SESN3: variants seen among roughly 807,000 people sequenced by gnomAD.
SESN3 encodes sestrin-3.
A neutral mutation model predicts 55.3 loss-of-function variants in SESN3; 21 were observed. The ratio of observed to expected loss-of-function variants is 0.38; its 90% CI spans 0.27 to 0.55. The LOEUF (loss-of-function observed/expected upper bound fraction) is 0.55. Among genes scored for constraint, SESN3 ranks in the 20% least tolerant of loss-of-function variants. SESN3 has a pLI of 0.76. For synonymous variants in SESN3, 181 were observed against 203.1 expected, an observed-to-expected ratio of 0.89 and a Z score of 0.93; for missense variants, 408 against 604.3, an observed-to-expected ratio of 0.68 and a Z score of 3.41.
chr11:95,217,909 G>A (rs1290611727), intron 1 of SESN3, among the ~76,000 whole-genome samples: 1 of 152,166 alleles, frequency 6.6e-6, no homozygotes, highest in Non-Finnish European at 1.5e-5. Flanking sequence ...TATTCTGAAT[G>A]ACTTGATTTT....
intron 6 of SESN3, 99 bp from the exon 7 acceptor site, chr11:95,178,927 G>T (rs1860010096): frequency 4.6e-6 from 3 of 649,524 alleles, no homozygotes; most frequent in Admixed American, 4.6e-5. Context: ...CTTTTCCATG[G>T]ATTTCTAAAG....
chr11:95,218,763 G>A (rs1430334342), intron 1 of SESN3, among the ~76,000 whole-genome samples: 3 of 149,718 alleles, frequency 2.0e-5, no homozygotes, highest in African/African-American at 7.4e-5. Flanking sequence ...GCATTCTCCT[G>A]ACTCGGCCTC....
chr11:95,211,887 AG>A (rs1860662115), intron 1 of SESN3, among the ~76,000 whole-genome samples: 1 of 152,222 alleles, frequency 6.6e-6, no homozygotes. Context: ...TTTACAGAAT[AG>A]GCTGGGTTTA....
intron 1 of SESN3, among the ~76,000 whole-genome samples, chr11:95,228,221 A>C (rs1201408783): frequency 6.6e-6 from 1 of 152,234 alleles, no homozygotes; most frequent in African/African-American, 2.4e-5. Flanking sequence ...GGTGAATTCC[A>C]TTCCTTGTGA....
chr11:95,206,590 T>C (rs1860553058), intron 1 of SESN3, among the ~76,000 whole-genome samples: 1 of 152,144 alleles, frequency 6.6e-6, no homozygotes, highest in Non-Finnish European at 1.5e-5. Flanking sequence ...GTCATTCTCT[T>C]GATATCTCCT....
chr11:95,177,314 A>G lies in SESN3; in HGVS notation c.1247+405T>C, dbSNP rs140894675. ...CCTAGTACAGTTTTGTTTATACCGTAATTACCATTCCTTAAAAAATAAGTT... is the reference window on the plus strand; with the variant it reads ...CCTAGTACAGTTTTGTTTATACCGTGATTACCATTCCTTAAAAAATAAGTT... On this transcript the variant is annotated intron_variant, in intron 8 of 9. Coordinates refer to ENST00000536441, the MANE Select transcript of SESN3 (RefSeq NM_144665.4). Among the ~76,000 whole-genome samples, 19 of 152,296 alleles carry G rather than the reference A, an allele frequency of 1.2e-4. No individual in the cohort carries two copies. The East Asian group carries it at 3.5e-3, about 28-fold the overall frequency.
rs1361824227 is a variant in SESN3 at position 95,172,724 on chromosome 11, C to T, written c.*531G>A. The T allele has an allele frequency of 3.3e-5, 5 of 152,190 alleles. No individual in the cohort carries two copies. The highest frequency in any genetic ancestry group is 1.2e-4 in the African/African-American group (5 of 41,424). 9.4% of individuals were successfully genotyped at this position (152,190 alleles called of 1,614,324 possible). On this transcript the variant is annotated 3_prime_UTR_variant, in exon 10 of 10. Coordinates refer to ENST00000536441, the MANE Select transcript of SESN3 (RefSeq NM_144665.4). ...CCTGACAAATAATCTCCTGGGGACA[C>T]AAATATGTGTCCAGTGAGCAGCTTG...
In SESN3 at chr11:95,231,181, C is replaced by T. The variant is rs1861059560; in HGVS notation, c.-321G>A. On this transcript the variant is annotated 5_prime_UTR_variant, in exon 1 of 10. Transcript: ENST00000536441. ...CCGCCACCGCTGCCACCGCCACCAC[C>T]GCCGCCGCAGCGCCTCAGTGCGGCC... 3 of 419,934 alleles carry T rather than the reference C, an allele frequency of 7.1e-6. No homozygotes were observed. The highest frequency in any genetic ancestry group is 4.4e-5 in the Admixed American group (1 of 22,644). 26.0% of individuals were successfully genotyped at this position (419,934 alleles called of 1,614,324 possible). A position where few individuals can be genotyped will look rare whatever the true frequency, so the allele number is the denominator to read the frequency against.
chr11:95,223,623 A>G (rs997198340), intron 1 of SESN3, among the ~76,000 whole-genome samples: 1 of 152,026 alleles, frequency 6.6e-6, no homozygotes. Flanking sequence ...AAAAGGTGGT[A>G]GACAGCATCT....
chr11:95,206,818 C>T (rs186854849), intron 1 of SESN3, among the ~76,000 whole-genome samples: 195 of 150,770 alleles, frequency 1.3e-3, no homozygotes, highest in East Asian at 8.8e-3. Flanking sequence ...TTTTTTTAGA[C>T]GGAATCTTGC....
At chr11:95,198,094 T>C (rs1311321913) in intron 1 of SESN3, among the ~76,000 whole-genome samples, 1 of 152,166 alleles carries the variant, frequency 6.6e-6, no homozygotes, top group African/African-American at 2.4e-5. Flanking sequence ...TGCATTCAAA[T>C]GGTTGCTAAA....
upstream of SESN3, chr11:95,231,205 C>T (rs1004191416): frequency 2.5e-6 from 1 of 405,454 alleles, no homozygotes; most frequent in Non-Finnish European, 4.3e-6. Flanking sequence ...CTCAGTGCGG[C>T]CCCGCCTCCG....
chr11:95,173,223 A>G lies in SESN3; in HGVS notation c.*32T>C. ...TGTTTATCTTATGTGAAAGGTCTTT[A>G]CACATGTATGACATTTTCCTTGGGT... On this transcript the variant is annotated 3_prime_UTR_variant, in exon 10 of 10. Transcript: ENST00000536441. The G allele has an allele frequency of 7.6e-7, 1 of 1,309,400 alleles. No homozygotes were observed. The highest frequency in any genetic ancestry group is 1.1e-6 in the Non-Finnish European group (1 of 912,838). The allele number at this position is 1,309,400 out of a possible 1,614,324, so 81.1% of individuals were successfully genotyped here.
In SESN3 at chr11:95,188,976, G is replaced by GA. The variant is rs1860216301; in HGVS notation, c.525+802dup. 2.6e-5 allele frequency among the ~76,000 whole-genome samples: 4 copies of GA among 152,048 alleles called. No individual in the cohort carries two copies. The South Asian group carries it at 8.3e-4, about 32-fold the overall frequency. ...TTTCCCAGATTCAGCATCAAAATCT[G>GA]AGAGTATGCAGATTGATAAATGCTA... is the stretch of plus-strand genomic sequence containing the variant. On this transcript the variant is annotated intron_variant, in intron 4 of 9. Coordinates refer to ENST00000536441, the MANE Select transcript of SESN3 (RefSeq NM_144665.4).
At chr11:95,184,168 C>A in intron 6 of SESN3, 1 of 499,640 alleles carries the variant, frequency 2.0e-6, no homozygotes, top group Non-Finnish European at 3.5e-6. Context: ...AACTGATCTG[C>A]TTTAAATAAC....
rs1859783471 is a variant in SESN3, at chr11:95,168,060, A to G, written c.*5195T>C. ...ACCCTTATGTACCCAATTTTGTGTT[A>G]TTTTATCTATATTTTAAATCATATG... On this transcript the variant is annotated 3_prime_UTR_variant, in exon 10 of 10. Transcript: ENST00000536441. 6.6e-6 allele frequency: 1 copy of G among 152,062 alleles called. No individual in the cohort carries two copies. Among genetic ancestry groups the G allele is most frequent in the Non-Finnish European group, 1.5e-5 (1 of 68,000 alleles). The allele number at this position is 152,062 out of a possible 1,614,324, so 9.4% of individuals were successfully genotyped here.
rs904302088 is a variant in SESN3, at chr11:95,178,605, A to G, written c.1056+105T>C. The G allele has an allele frequency of 1.5e-5, 11 of 722,816 alleles. No individual in the cohort carries two copies. In the African/African-American group the frequency reaches 1.6e-4, roughly 10 times the overall value. 44.8% of individuals were successfully genotyped at this position (722,816 alleles called of 1,614,324 possible). On this transcript the variant is annotated intron_variant, in intron 7 of 9. Transcript: ENST00000536441. Reference sequence around the variant, plus strand: ...GAAACTAGGTTAAATACAAAGATTTATAGATTCTATCAAAAATTGTTTAGT... The same window carrying G: ...GAAACTAGGTTAAATACAAAGATTTGTAGATTCTATCAAAAATTGTTTAGT...
At chr11:95,218,348 G>A (rs1005168285) in intron 1 of SESN3, among the ~76,000 whole-genome samples, 1 of 152,190 alleles carries the variant, frequency 6.6e-6, no homozygotes, top group Non-Finnish European at 1.5e-5. Context: ...GGCATAAGTT[G>A]CAAGTCATCA....
rs1859851108 is a variant in SESN3 at position 95,171,643 on chromosome 11, C to T, written c.*1612G>A. On this transcript the variant is annotated 3_prime_UTR_variant, in exon 10 of 10. Coordinates refer to ENST00000536441, the MANE Select transcript of SESN3 (RefSeq NM_144665.4). ...CTAAAATGAAATATTTGCGGGAACT[C>T]TAACAGAAAATTTTATCTATATTAT... 1 of 152,054 alleles carries T rather than the reference C, an allele frequency of 6.6e-6. No homozygotes were observed. Among genetic ancestry groups the T allele is most frequent in the East Asian group, 1.9e-4 (1 of 5,186 alleles). 9.4% of individuals were successfully genotyped at this position (152,054 alleles called of 1,614,324 possible). A position where few individuals can be genotyped will look rare whatever the true frequency, so the allele number is the denominator to read the frequency against.
Sources: gnomAD v4.1 joint callset for allele counts (sites outside exome capture counted in the v4.1 genomes callset) on GRCh38, gnomAD v4.1.1 for gene constraint, MANE v1.5 for transcripts, NCBI Gene and HGNC (gene_info 2026-07-23, HGNC 2026-07-21) for gene names.